Variants in PSD2 observed in about 807,000 individuals in gnomAD.
The protein encoded by PSD2 is pleckstrin and Sec7 domain containing 2, also known as PH and SEC7 domain-containing protein 2.
Under a neutral mutation model 69.8 loss-of-function variants are expected in PSD2, and 38 were observed. The observed-to-expected ratio is 0.54, with a 90% CI of 0.42 to 0.71. The LOEUF is 0.71. Among genes scored for constraint, PSD2 ranks in the 30% least tolerant of loss-of-function variants. The pLI is 0.00. For missense variants in PSD2, 943 were observed against 1,014.5 expected (o/e 0.93, Z 0.96); for synonymous variants, 412 against 423.0 (o/e 0.97, Z 0.32).
chr5:139,824,993 T>C (rs915123182), intron 7 of PSD2, among the ~76,000 whole-genome samples: 1 of 152,096 alleles, frequency 6.6e-6, no homozygotes, highest in African/African-American at 2.4e-5. Flanking sequence ...ATGGGTGCAG[T>C]CTGGTTGAGG....
At chr5:139,766,941 CTTT>C in the PSD2 span, among the ~76,000 whole-genome samples, 2 of 99,988 alleles carry the variant, frequency 2.0e-5, 1 homozygote, top group Admixed American at 2.0e-4. Flanking sequence ...TTCTTTCTTT[CTTT>C]CTTTCTTTCT....
At chr5:139,807,344 C>T (rs114385692) in intron 1 of PSD2, among the ~76,000 whole-genome samples, 1,675 of 152,046 alleles carry the variant, frequency 0.011, 32 homozygotes, top group African/African-American at 0.039. Flanking sequence ...TTTTTCCTTT[C>T]TAAATGCCCC....
chr5:139,810,638 G>A (rs1318743729), intron 2 of PSD2, among the ~76,000 whole-genome samples: 2 of 152,186 alleles, frequency 1.3e-5, no homozygotes, highest in Non-Finnish European at 2.9e-5. Context: ...ATTTGTGGCT[G>A]CACATTTGGG....
chr5:139,816,926 G>A (rs891027358), intron 4 of PSD2, among the ~76,000 whole-genome samples: 6 of 152,210 alleles, frequency 3.9e-5, no homozygotes, highest in Non-Finnish European at 8.8e-5. Context: ...CATGCCGCAC[G>A]TCCATTCCAT....
In PSD2 at chr5:139,844,257, G is replaced by A. The variant is rs1488704417; in HGVS notation, c.*1783G>A. 1.3e-5 allele frequency: 2 copies of A among 152,194 alleles called. No individual in the cohort carries two copies. The highest frequency in any genetic ancestry group is 2.9e-5 in the Non-Finnish European group (2 of 68,028). 9.4% of individuals were successfully genotyped at this position (152,194 alleles called of 1,614,324 possible). Reference sequence around the variant, plus strand: ...AGTGGAGAGCAGAGCCAGGAGCTCTGGCAGCTGTGGACAGATGTGCTTCCT... The same window carrying A: ...AGTGGAGAGCAGAGCCAGGAGCTCTAGCAGCTGTGGACAGATGTGCTTCCT... On this transcript the variant is annotated 3_prime_UTR_variant, in exon 15 of 15. Coordinates refer to ENST00000274710, the MANE Select transcript of PSD2 (RefSeq NM_032289.4).
At chr5:139,807,611 T>C (rs1018266036) in intron 1 of PSD2, among the ~76,000 whole-genome samples, 4 of 152,164 alleles carry the variant, frequency 2.6e-5, no homozygotes, top group African/African-American at 9.7e-5. Flanking sequence ...GTCTCCCTTA[T>C]GAAGTTATCA....
chr5:139,793,722 C>T (rs1210924763), upstream of PSD2, among the ~76,000 whole-genome samples: 2 of 152,180 alleles, frequency 1.3e-5, no homozygotes, highest in Non-Finnish European at 2.9e-5. Context: ...ATCCAGTGGA[C>T]AACAATTAAA....
In PSD2 at chr5:139,813,513, T is replaced by C. The variant is rs1291290600; in HGVS notation, c.576T>C (p.Pro192=). 5.0e-6 allele frequency: 8 copies of C among 1,612,026 alleles called. No homozygotes were observed. In the Admixed American group the frequency reaches 1.3e-4, roughly 27 times the overall value. The change falls in exon 3 of 15, where the codon CCT becomes CCC. Residue 192 remains proline, a synonymous_variant. Coordinates refer to ENST00000274710, the MANE Select transcript of PSD2 (RefSeq NM_032289.4). ...TCCAGCAGCGGGCCCGTGACAGCCC[T>C]GAGCCAGGGGCTGGGTTGGGCATTG... The part of the protein sequence containing the change: ...PLIQQRARDS[P]EPGAGLGIGD...
rs2126940678 is a variant in PSD2, at chr5:139,814,442, TC to T, written c.1016+79del. On this transcript the variant is annotated intron_variant, in intron 4 of 14. Coordinates refer to ENST00000274710, the MANE Select transcript of PSD2 (RefSeq NM_032289.4). The surrounding 1 kb of genome is among the most constrained non-coding windows in gnomAD (Gnocchi z 4.4). ...AACCTGAAGAGGGTGTGGGTGACCT[TC>T]TTCAGGGGTGCCAGGTGCTGGGGGG... 7.4e-7 allele frequency: 1 copy of T among 1,354,052 alleles called. No individual in the cohort carries two copies. The highest frequency in any genetic ancestry group is 2.7e-5 in the East Asian group (1 of 36,668). 83.9% of individuals were successfully genotyped at this position (1,354,052 alleles called of 1,614,324 possible).
At chr5:139,771,641 G>A in the PSD2 span, among the ~76,000 whole-genome samples, 1 of 152,160 alleles carries the variant, frequency 6.6e-6, no homozygotes, top group Non-Finnish European at 1.5e-5. Flanking sequence ...GCCTCCCAAA[G>A]TGCTGGGATT....
chr5:139,813,626 G>T lies in PSD2; in HGVS notation c.689G>T (p.Arg230Leu). The change falls in exon 3 of 15, where the codon CGC becomes CTC. Residue 230 changes from arginine to leucine, a missense_variant. Coordinates refer to ENST00000274710, the MANE Select transcript of PSD2 (RefSeq NM_032289.4). ...SPLRRSISSS[R>L]SENVLSRLSL... Reference sequence around the variant, plus strand: ...CTGCGGCGCTCCATCTCCAGCAGCCGCTCTGAGAATGTCCTGAGCCGCCTG... The same window carrying T: ...CTGCGGCGCTCCATCTCCAGCAGCCTCTCTGAGAATGTCCTGAGCCGCCTG... 2 of 1,613,862 alleles carry T rather than the reference G, an allele frequency of 1.2e-6. No individual in the cohort carries two copies. The highest frequency in any genetic ancestry group is 2.2e-5 in the East Asian group (1 of 44,858).
At chr5:139,766,939 TTCTTTC>T in the PSD2 span, among the ~76,000 whole-genome samples, 1 of 97,006 alleles carries the variant, frequency 1.0e-5, no homozygotes, top group African/African-American at 4.4e-5. Context: ...CCTTCTTTCT[TTCTTTC>T]TTTCTTTCTT....
At chr5:139,755,954 T>C in the PSD2 span, among the ~76,000 whole-genome samples, 1 of 152,154 alleles carries the variant, frequency 6.6e-6, no homozygotes, top group Non-Finnish European at 1.5e-5. Context: ...AATAGACTAT[T>C]AAAGACAGGT....
At chr5:139,778,189 A>T in the PSD2 span, among the ~76,000 whole-genome samples, 10 of 152,382 alleles carry the variant, frequency 6.6e-5, no homozygotes, top group East Asian at 1.9e-3. Flanking sequence ...CCCAAGGGAC[A>T]GTGCAGGGGG....
At chr5:139,768,928 T>C in the PSD2 span, among the ~76,000 whole-genome samples, 1 of 152,114 alleles carries the variant, frequency 6.6e-6, no homozygotes, top group Admixed American at 6.5e-5. Context: ...TGTGAACTCA[T>C]GCGTTCAGTC....
At position 139,813,519 on chromosome 5, in the gene PSD2, A is replaced by T. The variant is rs754467173; in HGVS notation, c.582A>T (p.Pro194=). The T allele has an allele frequency of 6.2e-7, 1 of 1,611,516 alleles. No individual in the cohort carries two copies. The highest frequency in any genetic ancestry group is 1.3e-5 in the African/African-American group (1 of 74,900). Residue 194 remains proline (P), a synonymous_variant, in exon 3 of 15, where the codon CCA becomes CCT. Transcript: ENST00000274710. ...AGCGGGCCCGTGACAGCCCTGAGCCAGGGGCTGGGTTGGGCATTGGGGACA... is the reference window on the plus strand; with the variant it reads ...AGCGGGCCCGTGACAGCCCTGAGCCTGGGGCTGGGTTGGGCATTGGGGACA... ...IQQRARDSPE[P]GAGLGIGDMA...
intron 4 of PSD2, among the ~76,000 whole-genome samples, 169 bp from the exon 5 acceptor site, chr5:139,817,312 A>G (rs1581722819): frequency 7.3e-6 from 1 of 136,096 alleles, no homozygotes; most frequent in South Asian, 2.6e-4. Flanking sequence ...CCTTCCTGAC[A>G]CCCCAAGACC....
At chr5:139,821,429 G>A (rs1344410205) in intron 5 of PSD2, among the ~76,000 whole-genome samples, 2 of 152,168 alleles carry the variant, frequency 1.3e-5, no homozygotes, top group East Asian at 1.9e-4. Flanking sequence ...ACTCAAACTT[G>A]GGGTAGGGGA....
chr5:139,830,565 C>CCTTCCTTCCTTCCTTT lies in PSD2; in HGVS notation c.1270-3134_1270-3133insCCTTCCTTCCTTTCTT, dbSNP rs1554096354. ...TCCTTCCTTCCTTCCTTCCTTCCTT[C>CCTTCCTTCCTTCCTTT]CTTTCTTTCTTTCTTTCTTTCTTTC... On this transcript the variant is annotated intron_variant, in intron 7 of 14. Transcript: ENST00000274710. Among the ~76,000 whole-genome samples, 813 of 120,220 alleles carry CCTTCCTTCCTTCCTTT rather than the reference C, an allele frequency of 6.8e-3. 6 individuals are homozygous for CCTTCCTTCCTTCCTTT. Among genetic ancestry groups the CCTTCCTTCCTTCCTTT allele is most frequent in the African/African-American group, 0.013 (343 of 27,120 alleles). 78.9% of individuals were successfully genotyped at this position (120,220 alleles called of 152,430 possible). A position where few individuals can be genotyped will look rare whatever the true frequency, so the allele number is the denominator to read the frequency against.
Sources: gnomAD v4.1 joint callset for allele counts (sites outside exome capture counted in the v4.1 genomes callset) on GRCh38, gnomAD v4.1.1 for gene constraint, Gnocchi (gnomAD v3.1) non-coding constraint, MANE v1.5 for transcripts, NCBI Gene and HGNC (gene_info 2026-07-23, HGNC 2026-07-21) for gene names.